The following ATP10B variants were observed in gnomAD, a reference collection of about 807,000 sequenced individuals.
ATP10B encodes the protein phospholipid-transporting ATPase VB.
In ATP10B, 122 loss-of-function variants were observed where a neutral mutation model predicts 141.2. The observed-to-expected ratio is 0.86, with a 90% CI of 0.75 to 1.00. The LOEUF (loss-of-function observed/expected upper bound fraction) is 1.00. ATP10B is among the 50% of genes least tolerant of loss of function. The probability of loss-of-function intolerance (pLI) is 0.00; values close to 1 mark genes in which losing one functional copy is unlikely to be tolerated. For missense variants in ATP10B, 1,876 were observed against 1,825.3 expected (o/e 1.03, Z -0.51); for synonymous variants, 685 against 692.0 (o/e 0.99, Z 0.16).
At chr5:160,895,597 G>T in the ATP10B span, among the ~76,000 whole-genome samples, 12 of 152,096 alleles carry the variant, frequency 7.9e-5, no homozygotes, top group South Asian at 2.5e-3. Flanking sequence ...CACAATAATA[G>T]TGGGAGACTT....
At chr5:160,828,417 A>C (rs1222869834) in intron 1 of ATP10B, among the ~76,000 whole-genome samples, 1 of 152,178 alleles carries the variant, frequency 6.6e-6, no homozygotes, top group Non-Finnish European at 1.5e-5. Context: ...GACACCTCTC[A>C]AAAGAAGACA....
intron 2 of ATP10B, among the ~76,000 whole-genome samples, chr5:160,729,689 G>T (rs1183984108): frequency 6.6e-6 from 1 of 152,318 alleles, no homozygotes; most frequent in Middle Eastern, 3.4e-3. Context: ...TAGGTCAAAA[G>T]GTCTTTCCAA....
intron 1 of ATP10B, among the ~76,000 whole-genome samples, chr5:160,789,735 C>T (rs1007797188): frequency 6.6e-6 from 1 of 152,134 alleles, no homozygotes; most frequent in African/African-American, 2.4e-5. Context: ...TCCCAGGGAA[C>T]ACATTGGCAG....
chr5:160,569,458 G>A (rs368706700), intron 25 of ATP10B, 38 bp downstream of exon 25: 4 of 1,607,446 alleles, frequency 2.5e-6, no homozygotes, highest in Non-Finnish European at 2.6e-6. Flanking sequence ...AGGGAGATTG[G>A]TAATTTTAGG....
chr5:160,707,532 G>T (rs944109055), intron 3 of ATP10B, among the ~76,000 whole-genome samples: 9 of 152,318 alleles, frequency 5.9e-5, no homozygotes, highest in African/African-American at 2.2e-4. Context: ...ATAGCCATGA[G>T]ACAATATCAC....
At chr5:160,867,660 C>T in the ATP10B span, among the ~76,000 whole-genome samples, 2 of 152,020 alleles carry the variant, frequency 1.3e-5, no homozygotes, top group African/African-American at 4.8e-5. Context: ...AGAACATTCA[C>T]CAGAATTATA....
chr5:160,606,733 A>C (rs765569995), intron 19 of ATP10B, 32 bp downstream of exon 19: 22 of 1,592,258 alleles, frequency 1.4e-5, no homozygotes, highest in Non-Finnish European at 1.9e-5. Flanking sequence ...ATCCCTGCCA[A>C]AGTGCCACCC....
intron 1 of ATP10B, among the ~76,000 whole-genome samples, chr5:160,808,200 A>C (rs954079564): frequency 1.3e-5 from 2 of 152,204 alleles, no homozygotes; most frequent in African/African-American, 2.4e-5. Context: ...AATTATGGTA[A>C]ATCTTCTAAG....
At chr5:160,621,556 AACTTCCTGAAG>A (rs1243307926) in intron 14 of ATP10B, among the ~76,000 whole-genome samples, 3 of 152,162 alleles carry the variant, frequency 2.0e-5, no homozygotes, top group African/African-American at 7.2e-5. Context: ...TGCCTCCAAA[AACTTCCTGAAG>A]ACTTCTGATA....
chr5:160,741,033 A>T (rs1230246702), intron 2 of ATP10B, among the ~76,000 whole-genome samples: 1 of 152,190 alleles, frequency 6.6e-6, no homozygotes, highest in Non-Finnish European at 1.5e-5. Context: ...ATACAAGAAT[A>T]ATCTTTAATA....
At chr5:160,873,129 T>G in the ATP10B span, among the ~76,000 whole-genome samples, 1 of 151,892 alleles carries the variant, frequency 6.6e-6, no homozygotes. Flanking sequence ...TTTTGTTTTT[T>G]TTTTTTCAGC....
intron 2 of ATP10B, among the ~76,000 whole-genome samples, chr5:160,755,697 C>A (rs1234691282): frequency 2.0e-5 from 3 of 147,714 alleles, no homozygotes. Flanking sequence ...CGCCTGTAGT[C>A]CCAGCTACGC....
chr5:160,812,926 T>C (rs1160153879), intron 1 of ATP10B, among the ~76,000 whole-genome samples: 1 of 152,208 alleles, frequency 6.6e-6, no homozygotes, highest in Non-Finnish European at 1.5e-5. Context: ...CAAACAGATT[T>C]AATCCAAAGA....
Position 160,670,535 on chromosome 5 carries a change from A to T in ATP10B, c.603T>A (p.His201Gln), listed in dbSNP as rs777199291. ...CTCCATCCAAGCTGGCAGTTTCCAGATGGCATATCCCATTGGGGTCAGAGG... is the reference window on the plus strand; with the variant it reads ...CTCCATCCAAGCTGGCAGTTTCCAGTTGGCATATCCCATTGGGGTCAGAGG... ...LFSSDPNGICHLETASLDGET... is the reference protein window; with the variant it reads ...LFSSDPNGICQLETASLDGET... The change falls in exon 7 of 26, where the codon CAT (histidine) becomes CAA (glutamine). Residue 201 changes from histidine to glutamine, a missense_variant. By Grantham distance (24) the His-to-Gln change is conservative. Coordinates refer to ENST00000327245, the MANE Select transcript of ATP10B (RefSeq NM_025153.3). The T allele has an allele frequency of 2.9e-5, 46 of 1,613,920 alleles. No individual in the cohort carries two copies. The highest frequency in any genetic ancestry group is 3.8e-5 in the Non-Finnish European group (45 of 1,179,996).
intron 1 of ATP10B, among the ~76,000 whole-genome samples, chr5:160,800,275 C>A (rs771749235): frequency 7.9e-5 from 12 of 152,092 alleles, no homozygotes; most frequent in East Asian, 1.9e-4. Context: ...TCTCTCTAAG[C>A]CTCAGTTTCC....
At chr5:160,576,983 G>T (rs1244023005) in intron 24 of ATP10B, among the ~76,000 whole-genome samples, 1 of 152,134 alleles carries the variant, frequency 6.6e-6, no homozygotes, top group Non-Finnish European at 1.5e-5. Flanking sequence ...TTCCCTCCCA[G>T]GAAAAGTCCA....
At chr5:160,724,607 C>T (rs1396057403) in intron 2 of ATP10B, among the ~76,000 whole-genome samples, 1 of 152,182 alleles carries the variant, frequency 6.6e-6, no homozygotes, top group Non-Finnish European at 1.5e-5. Flanking sequence ...CCCCTCCTCT[C>T]TTCTCTGATC....
At chr5:160,603,798 T>A in intron 20 of ATP10B, 167 bp downstream of exon 20, 1 of 567,900 alleles carries the variant, frequency 1.8e-6, no homozygotes, top group South Asian at 2.6e-5. Flanking sequence ...AAGTGTACAT[T>A]TGCAAAATGA....
At chr5:160,879,162 T>G in the ATP10B span, among the ~76,000 whole-genome samples, 1 of 47,268 alleles carries the variant, frequency 2.1e-5, no homozygotes. Flanking sequence ...ATAGACTGGA[T>G]TAAGAAAATG....
Sources: gnomAD v4.1 joint callset for allele counts (sites outside exome capture counted in the v4.1 genomes callset) on GRCh38, gnomAD v4.1.1 for gene constraint, MANE v1.5 for transcripts, NCBI Gene and HGNC (gene_info 2026-07-23, HGNC 2026-07-21) for gene names.